Variants in AGBL3 observed in about 807,000 individuals in gnomAD.
AGBL3 encodes AGBL carboxypeptidase 3.
In AGBL3, 68 loss-of-function variants were observed where a neutral mutation model predicts 94.5. The observed-to-expected ratio is 0.72, with a 90% confidence interval of 0.59 to 0.88. The LOEUF (loss-of-function observed/expected upper bound fraction) is 0.88. Ranked by LOEUF, AGBL3 falls within the 40% of genes least tolerant of loss-of-function variation. The pLI, the probability that AGBL3 is intolerant of heterozygous loss-of-function variation, is 0.00. For missense variants in AGBL3, 934 were observed against 1,103.8 expected, an observed-to-expected ratio of 0.85 and a Z score of 2.18; for synonymous variants, 354 against 370.7, an observed-to-expected ratio of 0.95 and a Z score of 0.52.
chr7:135,008,075 G>T (rs117071383), intron 4 of AGBL3, among the ~76,000 whole-genome samples: 571 of 152,068 alleles, frequency 3.8e-3, no homozygotes, highest in Non-Finnish European at 6.8e-3. Flanking sequence ...TGAATCTACA[G>T]ATTGAATGCA....
intron 6 of AGBL3, 83 bp downstream of exon 6, chr7:135,033,065 C>T: frequency 7.7e-7 from 1 of 1,294,876 alleles, no homozygotes; most frequent in Non-Finnish European, 1.0e-6. Flanking sequence ...TCTTAGTATC[C>T]ATTATGAAAC....
At chr7:135,107,976 CT>C (rs549582591) in intron 15 of AGBL3, among the ~76,000 whole-genome samples, 117 of 149,428 alleles carry the variant, frequency 7.8e-4, no homozygotes, top group African/African-American at 2.0e-3. Context: ...ATGTCTTTAT[CT>C]TTTTTTTTTA....
At chr7:134,996,249 A>G (rs1462220692) in intron 4 of AGBL3, among the ~76,000 whole-genome samples, 1 of 152,098 alleles carries the variant, frequency 6.6e-6, no homozygotes. Flanking sequence ...ACCAAGATCT[A>G]TGTGATGCAT....
chr7:135,100,646 C>T (rs567240408), intron 15 of AGBL3, among the ~76,000 whole-genome samples: 244 of 152,204 alleles, frequency 1.6e-3, no homozygotes, highest in African/African-American at 5.3e-3. Context: ...AGGTAAGAGA[C>T]CAACATGTAA....
intron 5 of AGBL3, among the ~76,000 whole-genome samples, chr7:135,025,886 C>G (rs1232238088): frequency 7.0e-6 from 1 of 142,412 alleles, no homozygotes; most frequent in African/African-American, 2.6e-5. Context: ...TCTTAACTAT[C>G]CTAAATATAT....
intron 4 of AGBL3, among the ~76,000 whole-genome samples, chr7:135,007,611 A>C (rs1481117581): frequency 6.6e-6 from 1 of 152,036 alleles, no homozygotes; most frequent in Non-Finnish European, 1.5e-5. Flanking sequence ...GAACAAGACA[A>C]AGATACCCAC....
chr7:135,093,948 T>G (rs563978212), intron 15 of AGBL3: 2 of 169,232 alleles, frequency 1.2e-5, no homozygotes, highest in Admixed American at 1.2e-4. Context: ...CCTTTATATA[T>G]ATTTCAATTG....
intron 12 of AGBL3, among the ~76,000 whole-genome samples, chr7:135,062,058 C>G (rs1467826000): frequency 6.6e-6 from 1 of 151,914 alleles, no homozygotes. Context: ...TCCATGTCTT[C>G]TTCCATTTCT....
intron 15 of AGBL3, among the ~76,000 whole-genome samples, chr7:135,110,655 T>G (rs1245185294): frequency 6.6e-6 from 1 of 152,194 alleles, no homozygotes; most frequent in Non-Finnish European, 1.5e-5. Context: ...CTGTTCTCCA[T>G]GGGTCAAGTT....
At chr7:134,992,279 A>G (rs141421344) in intron 3 of AGBL3, among the ~76,000 whole-genome samples, 3 of 152,300 alleles carry the variant, frequency 2.0e-5, no homozygotes, top group East Asian at 3.9e-4. Flanking sequence ...TCCAGCCACA[A>G]CAGTCTTTAC....
At chr7:135,053,939 C>T (rs1247389019) in intron 11 of AGBL3, among the ~76,000 whole-genome samples, 9 of 152,054 alleles carry the variant, frequency 5.9e-5, no homozygotes, top group East Asian at 1.9e-4. Context: ...GTATAGATTC[C>T]TACTGTGTCA....
At chr7:135,102,908 A>C (rs928623001) in intron 15 of AGBL3, among the ~76,000 whole-genome samples, 1 of 152,218 alleles carries the variant, frequency 6.6e-6, no homozygotes, top group Non-Finnish European at 1.5e-5. Context: ...CAATTATAAA[A>C]GAAAAACTTG....
At chr7:135,100,529 T>C (rs1376283021) in intron 15 of AGBL3, among the ~76,000 whole-genome samples, 1 of 152,214 alleles carries the variant, frequency 6.6e-6, no homozygotes, top group African/African-American at 2.4e-5. Context: ...GACCATGGTA[T>C]ATCCTCTCTT....
chr7:134,998,662 G>A (rs1322841009), intron 4 of AGBL3, among the ~76,000 whole-genome samples: 3 of 152,140 alleles, frequency 2.0e-5, no homozygotes, highest in African/African-American at 7.2e-5. Context: ...TGACCACCAG[G>A]AAATACAGCT....
At chr7:135,040,794 G>A (rs1369370872) in intron 8 of AGBL3, among the ~76,000 whole-genome samples, 2 of 148,730 alleles carry the variant, frequency 1.3e-5, no homozygotes, top group African/African-American at 5.0e-5. Flanking sequence ...CAAAAGAAAG[G>A]TGAAGGCAGA....
At chr7:135,049,969 T>A (rs1312077324) in intron 11 of AGBL3, among the ~76,000 whole-genome samples, 1 of 151,890 alleles carries the variant, frequency 6.6e-6, no homozygotes, top group South Asian at 2.1e-4. Context: ...TTCTTTTCTA[T>A]CTCCTCGAGG....
At chr7:135,001,582 T>C (rs1167370501) in intron 4 of AGBL3, among the ~76,000 whole-genome samples, 2 of 152,192 alleles carry the variant, frequency 1.3e-5, no homozygotes, top group African/African-American at 2.4e-5. Context: ...TAATCTCCAA[T>C]AGTGTTTCAT....
At chr7:134,990,648 T>A (rs945861111) in intron 3 of AGBL3, among the ~76,000 whole-genome samples, 3 of 152,246 alleles carry the variant, frequency 2.0e-5, no homozygotes, top group African/African-American at 7.2e-5. Context: ...AACTATATAC[T>A]GTATGAGAAA....
At chr7:135,099,055 G>A (rs1563263154) in intron 15 of AGBL3, among the ~76,000 whole-genome samples, 1 of 152,058 alleles carries the variant, frequency 6.6e-6, no homozygotes, top group Non-Finnish European at 1.5e-5. Flanking sequence ...TCACCTGTAT[G>A]TAACAGCAAA....
Sources: allele counts gnomAD v4.1 joint callset (sites outside exome capture counted in the v4.1 genomes callset), GRCh38; gene constraint gnomAD v4.1.1; transcripts MANE v1.5; gene names NCBI Gene and HGNC (gene_info 2026-07-23, HGNC 2026-07-21).